DOCK2: variants seen among roughly 807,000 people sequenced by gnomAD.
DOCK2 encodes the protein dedicator of cytokinesis protein 2.
DOCK2 carries 87 observed loss-of-function variants against 248.9 expected under a neutral mutation model. That is an observed-to-expected ratio of 0.35 (90% CI 0.29 to 0.42). DOCK2 has a LOEUF of 0.42. DOCK2 is among the 10% of genes least tolerant of loss of function. DOCK2 has a pLI of 1.00. For missense variants in DOCK2, 1,747 were observed against 2,300.2 expected (o/e 0.76, Z 4.92); for synonymous variants, 805 against 821.6 (o/e 0.98, Z 0.35).
At chr5:169,850,018 A>G (rs1034102783) in intron 27 of DOCK2, among the ~76,000 whole-genome samples, 2 of 152,240 alleles carry the variant, frequency 1.3e-5, no homozygotes, top group Non-Finnish European at 2.9e-5. Flanking sequence ...TATTACTGTT[A>G]GCTTTATGTC....
intron 27 of DOCK2, among the ~76,000 whole-genome samples, chr5:169,921,749 T>A (rs909562161): frequency 6.6e-6 from 1 of 152,206 alleles, no homozygotes; most frequent in African/African-American, 2.4e-5. Context: ...TTCTTGAGGA[T>A]TAGGGCCCAC....
intron 27 of DOCK2, among the ~76,000 whole-genome samples, chr5:169,902,627 C>T (rs1212150354): frequency 1.3e-5 from 2 of 152,204 alleles, no homozygotes; most frequent in Non-Finnish European, 2.9e-5. Flanking sequence ...ATTTGGGAAG[C>T]TGGGTTCCTG....
chr5:169,718,731 C>T lies in DOCK2; in HGVS notation c.2207C>T (p.Thr736Met), dbSNP rs758912789. ...GAGCAATGTGAGCCAATCCTAAGAA[C>T]GCTGAAGGCTTTGGAATATGTGTTC... ...RGEQCEPILR[T>M]LKALEYVFKF... is the part of the protein sequence containing the mutation. The change falls in exon 22 of 52, where the codon ACG (threonine) becomes ATG (methionine). Residue 736 changes from threonine to methionine, a missense_variant. Coordinates refer to ENST00000520908, the MANE Select transcript of DOCK2 (RefSeq NM_004946.3). 12 of 1,613,810 alleles carry T rather than the reference C, an allele frequency of 7.4e-6. No individual in the cohort carries two copies. Among genetic ancestry groups the T allele is most frequent in the African/African-American group, 1.3e-5 (1 of 74,906 alleles).
chr5:169,734,926 A>T (rs180738093), intron 22 of DOCK2, among the ~76,000 whole-genome samples: 1 of 152,198 alleles, frequency 6.6e-6, no homozygotes, highest in Non-Finnish European at 1.5e-5. Context: ...AGCTGGCTGC[A>T]TTGCTCTGAC....
At chr5:170,063,176 G>C (rs1468498066) in intron 44 of DOCK2, among the ~76,000 whole-genome samples, 1 of 152,156 alleles carries the variant, frequency 6.6e-6, no homozygotes, top group Non-Finnish European at 1.5e-5. Flanking sequence ...AGCACTTCCA[G>C]GGCTTCATTC....
In DOCK2 at chr5:169,726,371, A is replaced by C. The variant is rs530485547; in HGVS notation, c.2267+7580A>C. ...TGGGGTTGTTTGATTTTTTCTTGTA[A>C]ATTTGTTTAAGTTCTTTGTAGATTC... is the stretch of plus-strand genomic sequence containing the variant. On this transcript the variant is annotated intron_variant, in intron 22 of 51. Transcript: ENST00000520908. 9.9e-5 allele frequency among the ~76,000 whole-genome samples: 15 copies of C among 152,102 alleles called. No individual in the cohort carries two copies. The South Asian group carries it at 3.1e-3, about 32-fold the overall frequency.
chr5:169,637,366 G>A lies in DOCK2; in HGVS notation c.40G>A (p.Val14Met). Reference sequence around the variant, plus strand: ...CAAAGCTGACAAGGAGCGGCACGGCGTGGGTAGGTGCGGGCCCCAGGGCGC... The same window carrying A: ...CAAAGCTGACAAGGAGCGGCACGGCATGGGTAGGTGCGGGCCCCAGGGCGC... ...WRKADKERHG[V>M]AIYNFQGSGA... is the part of the protein sequence containing the mutation. Residue 14 changes from valine (V) to methionine (M), a missense_variant, in exon 1 of 52, where the codon GTG becomes ATG. By Grantham distance (21) the Val-to-Met change is conservative. Around this residue, in one of 4 missense-constraint regions of DOCK2, gnomAD observed 375 missense variants for 510.9 expected, o/e 0.73. Coordinates refer to ENST00000520908, the MANE Select transcript of DOCK2 (RefSeq NM_004946.3). 7.0e-7 allele frequency: 1 copy of A among 1,424,510 alleles called. No individual in the cohort carries two copies. Among genetic ancestry groups the A allele is most frequent in the Non-Finnish European group, 9.2e-7 (1 of 1,089,662 alleles). The allele number at this position is 1,424,510 out of a possible 1,614,324, so 88.2% of individuals were successfully genotyped here.
intron 1 of DOCK2, 112 bp from the exon 2 acceptor site, chr5:169,654,291 C>T: frequency 8.4e-7 from 1 of 1,190,078 alleles, no homozygotes; most frequent in Non-Finnish European, 1.2e-6. Flanking sequence ...TTTTGTTTAG[C>T]CCAGGTGGGC....
At chr5:169,979,595 G>A (rs1302894130) in intron 27 of DOCK2, among the ~76,000 whole-genome samples, 3 of 152,114 alleles carry the variant, frequency 2.0e-5, no homozygotes, top group Non-Finnish European at 4.4e-5. Context: ...CCACAGATCT[G>A]ATACCAAAGG....
intron 27 of DOCK2, among the ~76,000 whole-genome samples, chr5:169,981,798 T>C (rs1298558820): frequency 1.4e-4 from 22 of 152,254 alleles, no homozygotes; most frequent in Non-Finnish European, 2.1e-4. Flanking sequence ...TTAAGGTTTA[T>C]GTTCTCAAAT....
intron 35 of DOCK2, among the ~76,000 whole-genome samples, chr5:170,034,811 T>C (rs1326850300): frequency 6.6e-6 from 1 of 152,166 alleles, no homozygotes; most frequent in African/African-American, 2.4e-5. Flanking sequence ...ACACATCACA[T>C]GGAAGGAAGA....
At chr5:169,670,135 G>A (rs986745002) in intron 3 of DOCK2, among the ~76,000 whole-genome samples, 16 of 152,198 alleles carry the variant, frequency 1.1e-4, no homozygotes, top group African/African-American at 3.6e-4. Flanking sequence ...AAGGGTGACC[G>A]CTTTCCGGAA....
rs190570591 is a variant in DOCK2 at position 169,941,365 on chromosome 5, G to A, written c.2800-41703G>A. 1.5e-3 allele frequency among the ~76,000 whole-genome samples: 234 copies of A among 152,138 alleles called. 1 individual carries two copies. The highest frequency in any genetic ancestry group is 5.4e-3 in the African/African-American group (224 of 41,512). On this transcript the variant is annotated intron_variant, in intron 27 of 51. Coordinates refer to ENST00000520908, the MANE Select transcript of DOCK2 (RefSeq NM_004946.3). ...TGGGATTACAGGCCTGTGCCCCCAG[G>A]CCCAGCTAATTTTGTATTTTTAGTA...
At chr5:170,066,017 A>G (rs1014322164) in intron 44 of DOCK2, among the ~76,000 whole-genome samples, 1 of 149,134 alleles carries the variant, frequency 6.7e-6, no homozygotes, top group African/African-American at 2.5e-5. Flanking sequence ...AGTGGCGCGA[A>G]CTCAGCTCAC....
intron 46 of DOCK2, among the ~76,000 whole-genome samples, chr5:170,069,989 T>G (rs1327993517): frequency 1.3e-5 from 2 of 152,088 alleles, no homozygotes; most frequent in East Asian, 3.9e-4. Context: ...TTGGCTTCTC[T>G]TCCTCTTCTG....
At chr5:169,729,214 A>T (rs963973875) in intron 22 of DOCK2, among the ~76,000 whole-genome samples, 4 of 152,236 alleles carry the variant, frequency 2.6e-5, no homozygotes, top group African/African-American at 9.7e-5. Flanking sequence ...AGAAGGGTGA[A>T]ATTTGCCATG....
chr5:169,900,293 G>A (rs1255255094), intron 27 of DOCK2, among the ~76,000 whole-genome samples: 2 of 152,162 alleles, frequency 1.3e-5, no homozygotes, highest in South Asian at 4.1e-4. Flanking sequence ...CTGATGGAGG[G>A]GACATCTGAG....
At chr5:169,898,678 G>A (rs2113569227) in intron 27 of DOCK2, among the ~76,000 whole-genome samples, 1 of 152,024 alleles carries the variant, frequency 6.6e-6, no homozygotes, top group Admixed American at 6.5e-5. Flanking sequence ...GGGTTAGACA[G>A]TAAATATTTG....
intron 1 of DOCK2, among the ~76,000 whole-genome samples, chr5:169,653,206 G>A (rs540639987): frequency 4.6e-5 from 7 of 152,288 alleles, no homozygotes; most frequent in South Asian, 2.1e-4. Flanking sequence ...CTACACATTC[G>A]TTCTTATTAG....
Sources: gnomAD v4.1 joint callset for allele counts (sites outside exome capture counted in the v4.1 genomes callset) on GRCh38, gnomAD v4.1.1 for gene constraint, gnomAD v4.1.1 regional missense constraint, MANE v1.5 for transcripts, NCBI Gene and HGNC (gene_info 2026-07-23, HGNC 2026-07-21) for gene names.